ARHGEF3: variants seen among roughly 807,000 people sequenced by gnomAD.
ARHGEF3 encodes 59.8 kDA protein.
In ARHGEF3, 28 loss-of-function variants were observed where a neutral mutation model predicts 63.2. That is an observed-to-expected ratio of 0.44 (90% confidence interval 0.33 to 0.61). ARHGEF3 has a LOEUF of 0.61. Among genes scored for constraint, ARHGEF3 ranks in the 20% least tolerant of loss-of-function variants. The probability of loss-of-function intolerance (pLI) is 0.03; values close to 1 mark genes in which losing one functional copy is unlikely to be tolerated. For missense variants in ARHGEF3, 533 were observed against 659.3 expected, an observed-to-expected ratio of 0.81 and a Z score of 2.10; for synonymous variants, 266 against 254.2, an observed-to-expected ratio of 1.05 and a Z score of -0.44.
intron 3 of ARHGEF3, among the ~76,000 whole-genome samples, chr3:56,946,483 C>G (rs576982919): frequency 6.6e-6 from 1 of 152,280 alleles, no homozygotes; most frequent in Non-Finnish European, 1.5e-5. Flanking sequence ...GATGAATGCA[C>G]TAGCCTCAGC....
chr3:57,022,278 C>A (rs985189077), intron 2 of ARHGEF3, among the ~76,000 whole-genome samples: 12 of 152,118 alleles, frequency 7.9e-5, no homozygotes, highest in African/African-American at 2.9e-4. Context: ...GTCCAGTCAC[C>A]TGGGGAAGCC....
chr3:57,035,199 C>T, intron 1 of ARHGEF3: 1 of 1,285,364 alleles, frequency 7.8e-7, no homozygotes, highest in Non-Finnish European at 1.1e-6. Flanking sequence ...GCAAAACAAC[C>T]AACATTTATC....
chr3:56,754,960 C>A, intron 3 of ARHGEF3, 21 bp downstream of exon 3: 3 of 1,614,068 alleles, frequency 1.9e-6, no homozygotes, highest in Non-Finnish European at 2.5e-6. Flanking sequence ...ACACAGCCAG[C>A]TCCATGGGCC....
chr3:56,746,989 A>G (rs1559898973), intron 6 of ARHGEF3, among the ~76,000 whole-genome samples: 1 of 152,020 alleles, frequency 6.6e-6, no homozygotes, highest in Admixed American at 6.6e-5. Context: ...CCTCAACCTT[A>G]TATTTGTGTA....
At chr3:56,801,101 G>C (rs999229611) in intron 1 of ARHGEF3, among the ~76,000 whole-genome samples, 1 of 152,222 alleles carries the variant, frequency 6.6e-6, no homozygotes, top group Non-Finnish European at 1.5e-5. Flanking sequence ...TCATTTTCAA[G>C]ATCCATGTGG....
chr3:56,898,639 C>A, intron 3 of ARHGEF3: 1 of 261,106 alleles, frequency 3.8e-6, no homozygotes, highest in Non-Finnish European at 8.6e-6. Flanking sequence ...CCTGGAAGAA[C>A]TGGTGGGGAG....
chr3:56,946,184 A>C (rs999850809), intron 3 of ARHGEF3, among the ~76,000 whole-genome samples: 6 of 152,238 alleles, frequency 3.9e-5, no homozygotes, highest in African/African-American at 1.4e-4. Flanking sequence ...GGGAAAAAAC[A>C]GAGCAGAAAA....
At chr3:56,965,896 G>A (rs1239796059) in intron 2 of ARHGEF3, among the ~76,000 whole-genome samples, 1 of 151,676 alleles carries the variant, frequency 6.6e-6, no homozygotes, top group African/African-American at 2.4e-5. Context: ...GATCCACCTG[G>A]CTCGGCCTCC....
At chr3:56,986,777 G>A (rs1414154231) in intron 2 of ARHGEF3, among the ~76,000 whole-genome samples, 1 of 150,894 alleles carries the variant, frequency 6.6e-6, no homozygotes, top group Non-Finnish European at 1.5e-5. Flanking sequence ...AAGAAGTGGG[G>A]GCAGAAAAGA....
intron 1 of ARHGEF3, among the ~76,000 whole-genome samples, chr3:57,061,756 C>A (rs1161766359): frequency 1.3e-5 from 2 of 152,204 alleles, no homozygotes; most frequent in South Asian, 4.1e-4. Context: ...AGCAGTCTCT[C>A]ATCCTGTGTT....
intron 4 of ARHGEF3, among the ~76,000 whole-genome samples, chr3:56,835,278 C>T (rs998503919): frequency 2.0e-5 from 3 of 151,954 alleles, no homozygotes; most frequent in East Asian, 1.9e-4. Flanking sequence ...TGGGTTCAAG[C>T]GATTTTCCTG....
chr3:56,767,285 T>C (rs2035753835), intron 2 of ARHGEF3, among the ~76,000 whole-genome samples: 1 of 152,006 alleles, frequency 6.6e-6, no homozygotes, highest in South Asian at 2.1e-4. Context: ...CATTTTGTTT[T>C]AAAAAATGCA....
chr3:56,883,106 T>TTATCCAGGGTCCTAATGTAA (rs2040822822), intron 3 of ARHGEF3, among the ~76,000 whole-genome samples: 1 of 152,224 alleles, frequency 6.6e-6, no homozygotes, highest in African/African-American at 2.4e-5. Context: ...GCTCTAAACC[T>TTATCCAGGGTCCTAATGTAA]TATCCAGGGT....
At position 56,751,352 on chromosome 3, in the gene ARHGEF3, T is replaced by G; in HGVS notation, c.483A>C (p.Gln161His). Residue 161 changes from glutamine (Q) to histidine (H), a missense_variant, in exon 5 of 10, where the codon CAA (glutamine) becomes CAC (histidine). Around this residue, in one of 4 missense-constraint regions of ARHGEF3, gnomAD observed 107 missense variants for 207.9 expected, o/e 0.51. Coordinates refer to ENST00000296315, the MANE Select transcript of ARHGEF3 (RefSeq NM_019555.3). ...GTGTTCCAAAAATTTGATTCAACTCTTGTTCTGTCATTATGGAGAGTTTCA... is the reference window on the plus strand; with the variant it reads ...GTGTTCCAAAAATTTGATTCAACTCGTGTTCTGTCATTATGGAGAGTTTCA... The part of the protein sequence containing the change: ...PMLKLSIMTE[Q>H]ELNQIFGTLD... 6.2e-7 allele frequency: 1 copy of G among 1,614,142 alleles called. No individual in the cohort carries two copies. Among genetic ancestry groups the G allele is most frequent in the Non-Finnish European group, 8.5e-7 (1 of 1,179,986 alleles).
intron 4 of ARHGEF3, among the ~76,000 whole-genome samples, chr3:56,819,050 T>G (rs774971775): frequency 1.1e-4 from 16 of 152,148 alleles, no homozygotes; most frequent in Non-Finnish European, 1.9e-4. Context: ...CTTAAAGAAT[T>G]TTTTTATACT....
At chr3:56,758,878 G>T (rs1330432827) in intron 2 of ARHGEF3, among the ~76,000 whole-genome samples, 4 of 152,096 alleles carry the variant, frequency 2.6e-5, no homozygotes, top group Admixed American at 2.6e-4. Context: ...GAATTAAAGA[G>T]CAGAAAGAAA....
At chr3:56,890,408 G>A (rs1462740785) in intron 3 of ARHGEF3, among the ~76,000 whole-genome samples, 1 of 152,186 alleles carries the variant, frequency 6.6e-6, no homozygotes, top group African/African-American at 2.4e-5. Context: ...TTCGAACAGA[G>A]CCAGACATAT....
chr3:56,858,358 T>C (rs1343250376), intron 4 of ARHGEF3, among the ~76,000 whole-genome samples: 2 of 152,006 alleles, frequency 1.3e-5, no homozygotes, highest in Admixed American at 6.5e-5. Context: ...CCAGGTTTTG[T>C]AGGAATTTTA....
intron 4 of ARHGEF3, among the ~76,000 whole-genome samples, chr3:56,865,291 A>G (rs2040205856): frequency 6.6e-6 from 1 of 152,252 alleles, no homozygotes; most frequent in African/African-American, 2.4e-5. Flanking sequence ...ATGCTACCAC[A>G]GCGCACAGAT....
Sources: allele counts gnomAD v4.1 joint callset (sites outside exome capture counted in the v4.1 genomes callset), GRCh38; gene constraint gnomAD v4.1.1; regional missense constraint gnomAD v4.1.1; transcripts MANE v1.5; gene names NCBI Gene and HGNC (gene_info 2026-07-23, HGNC 2026-07-21).